CPLX2: variants seen among roughly 807,000 people sequenced by gnomAD.
CPLX2 encodes complexin 2.
CPLX2 carries 5 observed loss-of-function variants against 16.3 expected under a neutral mutation model. The ratio of observed to expected loss-of-function variants is 0.31; its 90% confidence interval spans 0.16 to 0.64. The LOEUF (loss-of-function observed/expected upper bound fraction) is 0.64. Among genes scored for constraint, CPLX2 ranks in the 30% least tolerant of loss-of-function variants. The pLI, the probability that CPLX2 is intolerant of heterozygous loss-of-function variation, is 0.79. For synonymous variants in CPLX2, 89 were observed against 73.2 expected, an observed-to-expected ratio of 1.22 and a Z score of -1.10; for missense variants, 144 against 181.4, an observed-to-expected ratio of 0.79 and a Z score of 1.18.
chr5:175,802,780 G>A (rs757312389), intron 1 of CPLX2, among the ~76,000 whole-genome samples: 15 of 152,114 alleles, frequency 9.9e-5, no homozygotes, highest in Non-Finnish European at 2.2e-4. Context: ...ACAATGACAG[G>A]CACATACCAG....
chr5:175,822,346 G>A (rs1758527006), intron 2 of CPLX2, among the ~76,000 whole-genome samples: 1 of 152,126 alleles, frequency 6.6e-6, no homozygotes, highest in Admixed American at 6.5e-5. Context: ...CGTGGACTTT[G>A]ATGTCTAACA....
In CPLX2 at chr5:175,880,138, G is replaced by A. The variant is rs780407548; in HGVS notation, c.*93G>A. ...TAGGTTAAGTCTCAATTCTGAAGGG[G>A]AAAACCTCAGTTGGCCTCTGCCCCT... On this transcript the variant is annotated 3_prime_UTR_variant, in exon 4 of 4. Transcript: ENST00000393745. 16 of 1,407,710 alleles carry A rather than the reference G, an allele frequency of 1.1e-5. No homozygotes were observed. The East Asian group carries it at 2.5e-4, about 22-fold the overall frequency. 87.2% of individuals were successfully genotyped at this position (1,407,710 alleles called of 1,614,324 possible).
chr5:175,865,963 A>T (rs369498064), intron 2 of CPLX2, among the ~76,000 whole-genome samples: 3 of 152,140 alleles, frequency 2.0e-5, no homozygotes, highest in South Asian at 4.1e-4. Context: ...TCTAAATGTG[A>T]TTCTAAAATG....
intron 2 of CPLX2, among the ~76,000 whole-genome samples, chr5:175,858,544 G>T (rs970954996): frequency 3.3e-5 from 5 of 152,212 alleles, no homozygotes; most frequent in Non-Finnish European, 5.9e-5. Context: ...CAGTGTCAGT[G>T]GGGAGCCATT....
intron 2 of CPLX2, among the ~76,000 whole-genome samples, chr5:175,860,502 GAAAGAAAGAAAGAA>G (rs1272945638): frequency 1.7e-3 from 39 of 22,830 alleles, no homozygotes; most frequent in Middle Eastern, 0.01. Flanking sequence ...AGAAAGAAAA[GAAAGAAAGAAAGAA>G]AAAGAAAGAA....
intron 1 of CPLX2, chr5:175,871,962 G>A (rs2113705718): frequency 6.6e-6 from 1 of 152,356 alleles, no homozygotes; most frequent in East Asian, 1.9e-4. Flanking sequence ...GAACTAAGAG[G>A]AAGCGTGGGC....
At chr5:175,801,608 G>T (rs377279761) in intron 1 of CPLX2, among the ~76,000 whole-genome samples, 1 of 152,166 alleles carries the variant, frequency 6.6e-6, no homozygotes, top group African/African-American at 2.4e-5. Flanking sequence ...TGTGTGACTC[G>T]ATGTCCTCAT....
At chr5:175,820,941 G>A (rs1040144224) in intron 2 of CPLX2, among the ~76,000 whole-genome samples, 1 of 152,214 alleles carries the variant, frequency 6.6e-6, no homozygotes, top group Non-Finnish European at 1.5e-5. Flanking sequence ...TCCCAGAGCA[G>A]AGTCAGGAAC....
In CPLX2 at chr5:175,880,230, C is replaced by T. The variant is rs1755544748; in HGVS notation, c.*185C>T. On this transcript the variant is annotated 3_prime_UTR_variant, in exon 4 of 4. Transcript: ENST00000393745. ...ACCTCCCTTCATCCCAGGGTATCCA[C>T]CTGCACCCCACTCCCAAGTAGCTTG... is the stretch of plus-strand genomic sequence containing the variant. 1.4e-6 allele frequency: 1 copy of T among 722,748 alleles called. No homozygotes were observed. Among genetic ancestry groups the T allele is most frequent in the Non-Finnish European group, 2.5e-6 (1 of 395,480 alleles). The allele number at this position is 722,748 out of a possible 1,614,324, so 44.8% of individuals were successfully genotyped here. A position where few individuals can be genotyped will look rare whatever the true frequency, so the allele number is the denominator to read the frequency against.
At chr5:175,827,903 G>A (rs968099071) in intron 2 of CPLX2, among the ~76,000 whole-genome samples, 5 of 152,158 alleles carry the variant, frequency 3.3e-5, no homozygotes, top group Non-Finnish European at 4.4e-5. Context: ...CCTGCCTATC[G>A]AGGGTGATAG....
upstream of CPLX2, among the ~76,000 whole-genome samples, chr5:175,871,203 T>G (rs1759583721): frequency 6.6e-6 from 1 of 151,136 alleles, no homozygotes; most frequent in South Asian, 2.1e-4. Context: ...GCAGCAAGCT[T>G]GTGGGCCTGG....
rs1239285582 is a variant in CPLX2, at chr5:175,872,806, G to C, written c.-89+1101G>C. On this transcript the variant is annotated intron_variant, in intron 1 of 3. Coordinates refer to ENST00000393745, the MANE Select transcript of CPLX2 (RefSeq NM_001008220.2). This position sits in a 1 kb window ranked among gnomAD's most constrained non-coding sequence, Gnocchi z 5.0. ...GTTGAATTGAGTTGCGGTGAATATA[G>C]CCCAGACTTGAATCATAAAAACAGA... 6.6e-6 allele frequency: 1 copy of C among 152,270 alleles called. No homozygotes were observed. The highest frequency in any genetic ancestry group is 1.9e-4 in the East Asian group (1 of 5,184). 9.4% of individuals were successfully genotyped at this position (152,270 alleles called of 1,614,324 possible). A position where few individuals can be genotyped will look rare whatever the true frequency, so the allele number is the denominator to read the frequency against.
At chr5:175,871,484 A>AGAGAGAGAGG (rs1759616805), upstream of CPLX2, 1 of 146,710 alleles carries the variant, frequency 6.8e-6, no homozygotes, top group Non-Finnish European at 1.5e-5. Flanking sequence ...AGAGAGAGAG[A>AGAGAGAGAGG]GATTTGAATT....
chr5:175,803,916 G>A (rs1319779826), intron 1 of CPLX2, among the ~76,000 whole-genome samples: 2 of 152,206 alleles, frequency 1.3e-5, no homozygotes, highest in East Asian at 1.9e-4. Context: ...CCGTGTGGGC[G>A]CTGCAGTGCC....
At chr5:175,834,014 T>C (rs942995602) in intron 2 of CPLX2, among the ~76,000 whole-genome samples, 1 of 152,208 alleles carries the variant, frequency 6.6e-6, no homozygotes, top group African/African-American at 2.4e-5. Flanking sequence ...GCTGCTGTTT[T>C]AGCGCAAGAT....
chr5:175,798,942 C>T (rs1482734403), intron 1 of CPLX2, among the ~76,000 whole-genome samples: 5 of 152,208 alleles, frequency 3.3e-5, no homozygotes, highest in African/African-American at 1.2e-4. Flanking sequence ...AGATACTGGA[C>T]AGCCTTGGAA....
chr5:175,836,899 C>T (rs1758849669), intron 2 of CPLX2, among the ~76,000 whole-genome samples: 1 of 152,092 alleles, frequency 6.6e-6, no homozygotes, highest in African/African-American at 2.4e-5. Flanking sequence ...AACATGAGGC[C>T]CAGAGTGCAG....
intron 2 of CPLX2, among the ~76,000 whole-genome samples, chr5:175,843,273 G>A (rs1412011506): frequency 1.3e-5 from 2 of 152,174 alleles, no homozygotes; most frequent in African/African-American, 4.8e-5. Context: ...CCTTTGATGG[G>A]GCCTCAAAGC....
chr5:175,874,350 C>T (rs1231005133), intron 1 of CPLX2, among the ~76,000 whole-genome samples: 1 of 152,152 alleles, frequency 6.6e-6, no homozygotes, highest in African/African-American at 2.4e-5. Flanking sequence ...CCATCCCAAT[C>T]TTAACTCACC....
Sources: allele counts gnomAD v4.1 joint callset (sites outside exome capture counted in the v4.1 genomes callset), GRCh38; gene constraint gnomAD v4.1.1; non-coding constraint Gnocchi (gnomAD v3.1); transcripts MANE v1.5; gene names NCBI Gene and HGNC (gene_info 2026-07-23, HGNC 2026-07-21).